The following TMTC2 variants were observed in gnomAD, a reference collection of about 807,000 sequenced individuals.
The protein encoded by TMTC2 is protein O-mannosyl-transferase TMTC2.
TMTC2 carries 43 observed loss-of-function variants against 82.4 expected under a neutral mutation model. The observed-to-expected ratio is 0.52, with a 90% CI of 0.41 to 0.67. The LOEUF is 0.67. Ranked by LOEUF, TMTC2 falls within the 30% of genes least tolerant of loss-of-function variation. The pLI, the probability that TMTC2 is intolerant of heterozygous loss-of-function variation, is 0.00. For synonymous variants in TMTC2, 408 were observed against 381.9 expected (o/e 1.07, Z -0.80); for missense variants, 919 against 1,012.4 (o/e 0.91, Z 1.25).
intron 10 of TMTC2, 44 bp from the exon 11 acceptor site, chr12:83,061,724 T>C: frequency 6.7e-7 from 1 of 1,491,548 alleles, no homozygotes; most frequent in Non-Finnish European, 9.0e-7. Flanking sequence ...TATTTGTAAT[T>C]CTAAAATATA....
At chr12:82,884,889 C>CT (rs1426885602) in intron 2 of TMTC2, among the ~76,000 whole-genome samples, 1 of 151,838 alleles carries the variant, frequency 6.6e-6, no homozygotes, top group Non-Finnish European at 1.5e-5. Flanking sequence ...GTTTTTCAGA[C>CT]TTTTTTTGTT....
chr12:82,966,714 T>C (rs1364737307), intron 6 of TMTC2, among the ~76,000 whole-genome samples: 2 of 152,190 alleles, frequency 1.3e-5, no homozygotes, highest in African/African-American at 4.8e-5. Flanking sequence ...AGCTATGGCA[T>C]TCTTCACTGA....
At chr12:82,738,492 T>C (rs1875230291) in intron 1 of TMTC2, among the ~76,000 whole-genome samples, 1 of 152,212 alleles carries the variant, frequency 6.6e-6, no homozygotes, top group South Asian at 2.1e-4. Flanking sequence ...AGTTTAATAG[T>C]TACTTATACC....
intron 1 of TMTC2, among the ~76,000 whole-genome samples, chr12:82,800,446 A>G (rs1164974225): frequency 6.6e-6 from 1 of 152,172 alleles, no homozygotes; most frequent in Non-Finnish European, 1.5e-5. Flanking sequence ...CTCAGCACTC[A>G]GCACCCAGCT....
At chr12:82,787,469 A>C (rs1236863883) in intron 1 of TMTC2, among the ~76,000 whole-genome samples, 1 of 152,202 alleles carries the variant, frequency 6.6e-6, no homozygotes, top group Non-Finnish European at 1.5e-5. Flanking sequence ...AATGTTTGCT[A>C]AACTTTTTCA....
intron 1 of TMTC2, among the ~76,000 whole-genome samples, chr12:82,820,190 G>A (rs1400689200): frequency 6.6e-6 from 1 of 152,064 alleles, no homozygotes; most frequent in Non-Finnish European, 1.5e-5. Flanking sequence ...ATTAGATTGT[G>A]CCCACCCAGA....
chr12:82,880,275 A>G (rs562098219), intron 2 of TMTC2, among the ~76,000 whole-genome samples: 2 of 152,364 alleles, frequency 1.3e-5, no homozygotes, highest in African/African-American at 4.8e-5. Flanking sequence ...TAGAAGCTAA[A>G]TAAAGCGTCT....
intron 2 of TMTC2, among the ~76,000 whole-genome samples, chr12:82,860,612 G>C (rs780063236): frequency 2.0e-5 from 3 of 152,210 alleles, no homozygotes; most frequent in Admixed American, 2.0e-4. Flanking sequence ...AATTGTGGGG[G>C]TGTTCAGTGT....
intron 4 of TMTC2, among the ~76,000 whole-genome samples, chr12:82,956,279 T>C (rs1269798645): frequency 6.6e-6 from 1 of 151,932 alleles, no homozygotes; most frequent in South Asian, 2.1e-4. Context: ...AGGCACAGAG[T>C]ACCAAGTGGA....
At chr12:82,819,307 T>C (rs954382497) in intron 1 of TMTC2, among the ~76,000 whole-genome samples, 5 of 152,170 alleles carry the variant, frequency 3.3e-5, no homozygotes, top group Non-Finnish European at 7.4e-5. Flanking sequence ...ATTGCTCTTA[T>C]AATGTTAACT....
chr12:83,071,045 C>A (rs564948795), intron 11 of TMTC2, among the ~76,000 whole-genome samples: 1 of 151,854 alleles, frequency 6.6e-6, no homozygotes, highest in Non-Finnish European at 1.5e-5. Context: ...GAAATGCACT[C>A]GATCATGGTG....
chr12:82,842,290 G>C (rs1870382434), intron 1 of TMTC2, among the ~76,000 whole-genome samples: 1 of 152,174 alleles, frequency 6.6e-6, no homozygotes, highest in South Asian at 2.1e-4. Context: ...TGTGACACTA[G>C]TGTTTTATTG....
At chr12:82,719,085 A>ATTTAT in intron 1 of TMTC2, among the ~76,000 whole-genome samples, 1 of 41,404 alleles carries the variant, frequency 2.4e-5, no homozygotes, top group Non-Finnish European at 3.8e-5. Flanking sequence ...ATATATATAT[A>ATTTAT]TTTTTTTTTT....
intron 1 of TMTC2, among the ~76,000 whole-genome samples, chr12:82,776,142 C>T (rs1372044897): frequency 6.6e-6 from 1 of 152,134 alleles, no homozygotes; most frequent in Non-Finnish European, 1.5e-5. Context: ...TACTAGCTAA[C>T]ATATCTTAGG....
intron 11 of TMTC2, among the ~76,000 whole-genome samples, chr12:83,088,522 C>T (rs1357715862): frequency 6.6e-6 from 1 of 152,130 alleles, no homozygotes; most frequent in Non-Finnish European, 1.5e-5. Flanking sequence ...TTTACTTGAA[C>T]ACTTAGAGAC....
At chr12:82,938,426 C>A (rs1592642138) in intron 4 of TMTC2, among the ~76,000 whole-genome samples, 2 of 152,098 alleles carry the variant, frequency 1.3e-5, no homozygotes, top group Admixed American at 1.3e-4. Flanking sequence ...GGTTTCCTAC[C>A]AAGCTCCATA....
intron 8 of TMTC2, among the ~76,000 whole-genome samples, chr12:83,000,690 C>A (rs2082647): frequency 0.77 from 116,441 of 152,064 alleles, 46,132 homozygotes; most frequent in South Asian, 0.93. Flanking sequence ...TCACAGCTCC[C>A]GGTGGAGCCC....
Position 82,871,897 on chromosome 12 carries a change from A to G in TMTC2, c.654+14317A>G, listed in dbSNP as rs79722567. ...ATGTTGAGGGTAAAGTAGTGAAGAA[A>G]ATAGACAAACACCTGCTCTCTCAGG... is the stretch of plus-strand genomic sequence containing the variant. On this transcript the variant is annotated intron_variant, in intron 2 of 11. Coordinates refer to ENST00000321196, the MANE Select transcript of TMTC2 (RefSeq NM_152588.3). Among the ~76,000 whole-genome samples, 444 of 152,212 alleles carry G rather than the reference A, an allele frequency of 2.9e-3. 13 individuals carry two copies. The South Asian group carries it at 0.046, about 16-fold the overall frequency.
chr12:82,748,312 GAAAA>G (rs952873516), intron 1 of TMTC2, among the ~76,000 whole-genome samples: 1 of 145,386 alleles, frequency 6.9e-6, no homozygotes, highest in African/African-American at 2.5e-5. Flanking sequence ...CTGTCTCAAA[GAAAA>G]AAAAAAAGTT....
Sources: allele counts gnomAD v4.1 joint callset (sites outside exome capture counted in the v4.1 genomes callset), GRCh38; gene constraint gnomAD v4.1.1; transcripts MANE v1.5; gene names NCBI Gene and HGNC (gene_info 2026-07-23, HGNC 2026-07-21).